Variants in KCNIP4 observed in about 807,000 individuals in gnomAD.
KCNIP4 encodes potassium voltage-gated channel interacting protein 4.
In KCNIP4, 12 loss-of-function variants were observed where a neutral mutation model predicts 34.0. The observed-to-expected ratio is 0.35, with a 90% CI of 0.23 to 0.57. The LOEUF (loss-of-function observed/expected upper bound fraction) is 0.57. Among genes scored for constraint, KCNIP4 ranks in the 20% least tolerant of loss-of-function variants. KCNIP4 has a pLI of 0.83. For synonymous variants in KCNIP4, 124 were observed against 102.2 expected, an observed-to-expected ratio of 1.21 and a Z score of -1.29; for missense variants, 238 against 311.7, an observed-to-expected ratio of 0.76 and a Z score of 1.78.
intron 1 of KCNIP4, among the ~76,000 whole-genome samples, chr4:21,738,136 T>TAAATAAATAATA (rs367974600): frequency 1.0e-4 from 10 of 96,730 alleles, no homozygotes; most frequent in Non-Finnish European, 1.6e-4. Flanking sequence ...AATAAATAAA[T>TAAATAAATAATA]AATAAATAAA....
chr4:21,418,747 T>C (rs1725183804), intron 1 of KCNIP4, among the ~76,000 whole-genome samples: 1 of 152,144 alleles, frequency 6.6e-6, no homozygotes, highest in South Asian at 2.1e-4. Flanking sequence ...CCTTTACACT[T>C]TTGGACAGTT....
At chr4:21,643,612 T>G (rs913754088) in intron 1 of KCNIP4, among the ~76,000 whole-genome samples, 20 of 152,182 alleles carry the variant, frequency 1.3e-4, no homozygotes, top group Non-Finnish European at 4.4e-5. Flanking sequence ...TCAATGGATT[T>G]TGAGGAAAGC....
chr4:20,829,230 C>T (rs1185822881), intron 3 of KCNIP4, among the ~76,000 whole-genome samples: 8 of 150,860 alleles, frequency 5.3e-5, no homozygotes, highest in African/African-American at 7.3e-5. Context: ...TTTTTTGAGA[C>T]GGAGTCTCAC....
intron 1 of KCNIP4, among the ~76,000 whole-genome samples, chr4:21,436,194 G>C (rs1726930624): frequency 6.6e-6 from 1 of 152,132 alleles, no homozygotes; most frequent in African/African-American, 2.4e-5. Context: ...AAAATCATGT[G>C]TTTGCATTTG....
At chr4:21,851,112 A>G (rs1366353227) in intron 1 of KCNIP4, 2 of 148,906 alleles carry the variant, frequency 1.3e-5, no homozygotes, top group Non-Finnish European at 3.0e-5. Flanking sequence ...AGGTTGAAAT[A>G]TGCTGATATT....
At chr4:21,869,727 GAGATAGATAGATAGATAGATAGAT>G (rs71193417) in intron 1 of KCNIP4, among the ~76,000 whole-genome samples, 44 of 143,602 alleles carry the variant, frequency 3.1e-4, no homozygotes, top group East Asian at 8.3e-4. Flanking sequence ...GAGAGATAAG[GAGATAGATAGATAGATAGATAGAT>G]AGATAGATAG....
At chr4:20,795,619 C>T (rs536125681) in intron 3 of KCNIP4, among the ~76,000 whole-genome samples, 59 of 152,224 alleles carry the variant, frequency 3.9e-4, no homozygotes, top group Non-Finnish European at 7.1e-4. Context: ...TTTTGGGTTG[C>T]GCTCAAGCCA....
chr4:21,506,909 A>G (rs1393962257), intron 1 of KCNIP4, among the ~76,000 whole-genome samples: 88 of 151,632 alleles, frequency 5.8e-4, no homozygotes, highest in African/African-American at 1.2e-3. Flanking sequence ...CTTCTGTCTC[A>G]GCCTCCCAAG....
At chr4:21,178,155 C>T (rs1011432678) in intron 1 of KCNIP4, among the ~76,000 whole-genome samples, 4 of 152,066 alleles carry the variant, frequency 2.6e-5, no homozygotes, top group African/African-American at 9.7e-5. Context: ...AATTATCTGC[C>T]TTAGAAATAA....
chr4:21,714,798 T>A (rs976940740), intron 1 of KCNIP4, among the ~76,000 whole-genome samples: 1 of 484 alleles, frequency 2.1e-3, no homozygotes, highest in South Asian at 0.05. Flanking sequence ...TATTTTATTT[T>A]ATTTTATTTT....
At chr4:20,954,961 G>A (rs1018720171) in intron 1 of KCNIP4, among the ~76,000 whole-genome samples, 11 of 152,186 alleles carry the variant, frequency 7.2e-5, no homozygotes, top group African/African-American at 2.7e-4. Flanking sequence ...ACTGGAAAGT[G>A]AAACACTACT....
chr4:21,032,241 C>T (rs1741087154), intron 1 of KCNIP4, among the ~76,000 whole-genome samples: 2 of 152,124 alleles, frequency 1.3e-5, no homozygotes, highest in African/African-American at 4.8e-5. Context: ...ATGGCTTCTA[C>T]TTGACATGGA....
At chr4:21,829,913 G>GA (rs1294242823) in intron 1 of KCNIP4, among the ~76,000 whole-genome samples, 9 of 151,788 alleles carry the variant, frequency 5.9e-5, no homozygotes, top group Non-Finnish European at 1.0e-4. Flanking sequence ...GAGGAAGAAA[G>GA]AAAAAGAGGA....
In KCNIP4 at chr4:21,124,381, C is replaced by G. The variant is rs576273392; in HGVS notation, c.62-241672G>C. ...ACTGATGGTATAGTGGGAAAAGTGCCTCTCTGCTAAACTGAGTTTTGATCT... is the reference window on the plus strand; with the variant it reads ...ACTGATGGTATAGTGGGAAAAGTGCGTCTCTGCTAAACTGAGTTTTGATCT... On this transcript the variant is annotated intron_variant, in intron 1 of 8. Coordinates refer to ENST00000382152, the MANE Select transcript of KCNIP4 (RefSeq NM_025221.6). Among the ~76,000 whole-genome samples, 9 of 152,278 alleles carry G rather than the reference C, an allele frequency of 5.9e-5. No homozygotes were observed. The South Asian group carries it at 1.9e-3, about 32-fold the overall frequency.
At chr4:21,270,700 A>G (rs192569102) in intron 1 of KCNIP4, among the ~76,000 whole-genome samples, 1 of 152,198 alleles carries the variant, frequency 6.6e-6, no homozygotes, top group Admixed American at 6.5e-5. Flanking sequence ...TTAAGAATAG[A>G]TTGTACCCAG....
intron 1 of KCNIP4, among the ~76,000 whole-genome samples, chr4:21,172,413 G>A (rs560896846): frequency 8.5e-5 from 13 of 152,262 alleles, no homozygotes; most frequent in Non-Finnish European, 1.6e-4. Context: ...ATTTTACAGA[G>A]AAAAATAAAA....
At chr4:20,849,326 G>A (rs7695273) in intron 3 of KCNIP4, among the ~76,000 whole-genome samples, 1,717 of 152,002 alleles carry the variant, frequency 0.011, 30 homozygotes, top group African/African-American at 0.039. Context: ...AGGGCAAGGA[G>A]AAGGGGCTGA....
intron 1 of KCNIP4, among the ~76,000 whole-genome samples, chr4:21,243,061 C>A (rs560973212): frequency 9.9e-5 from 15 of 152,070 alleles, no homozygotes; most frequent in African/African-American, 3.4e-4. Context: ...TTATCACTAA[C>A]GTTATTATCA....
In KCNIP4 at chr4:21,494,727, C is replaced by T. The variant is rs114958619; in HGVS notation, c.61+453844G>A. On this transcript the variant is annotated intron_variant, in intron 1 of 8. Transcript: ENST00000382152. The stretch of plus-strand genomic sequence containing the variant: ...GGTGGAGGTTGCGGTGAGCCAAGAT[C>T]GCGCCACTACACATACTCCAGCTTG... Among the ~76,000 whole-genome samples the T allele has an allele frequency of 4.5e-4, 67 of 148,894 alleles. 1 individual carries two copies. The highest frequency in any genetic ancestry group is 1.4e-3 in the African/African-American group (56 of 40,106).
Sources: allele counts gnomAD v4.1 joint callset (sites outside exome capture counted in the v4.1 genomes callset), GRCh38; gene constraint gnomAD v4.1.1; transcripts MANE v1.5; gene names NCBI Gene and HGNC (gene_info 2026-07-23, HGNC 2026-07-21).